VPS13D: variants seen among roughly 807,000 people sequenced by gnomAD.
VPS13D encodes vacuolar protein sorting 13 homolog D, also known as intermembrane lipid transfer protein VPS13D.
VPS13D carries 187 observed loss-of-function variants against 461.9 expected under a neutral mutation model. The observed-to-expected ratio is 0.40, with a 90% CI of 0.36 to 0.46. The LOEUF is 0.46. VPS13D is among the 20% of genes least tolerant of loss of function. The probability of loss-of-function intolerance (pLI) is 0.60; values close to 1 mark genes in which losing one functional copy is unlikely to be tolerated. For synonymous variants in VPS13D, 1,951 were observed against 1,986.3 expected, an observed-to-expected ratio of 0.98 and a Z score of 0.47; for missense variants, 4,711 against 5,364.9, an observed-to-expected ratio of 0.88 and a Z score of 3.81.
intron 65 of VPS13D, among the ~76,000 whole-genome samples, chr1:12,442,145 C>T (rs1645138938): frequency 1.3e-5 from 2 of 152,012 alleles, no homozygotes; most frequent in African/African-American, 4.8e-5. Context: ...AGTCAGATCT[C>T]TAAAACAACA....
chr1:12,409,504 A>G (rs1048218783), intron 63 of VPS13D, among the ~76,000 whole-genome samples: 5 of 152,230 alleles, frequency 3.3e-5, no homozygotes, highest in East Asian at 3.8e-4. Context: ...AGACTTTTCA[A>G]TAGTGCTATT....
In VPS13D at chr1:12,507,701, C is replaced by A. The variant is rs1480801020; in HGVS notation, c.13035+608C>A. Among the ~76,000 whole-genome samples the A allele has an allele frequency of 6.6e-6, 1 of 152,222 alleles. No homozygotes were observed. The highest frequency in any genetic ancestry group is 1.5e-5 in the Non-Finnish European group (1 of 68,040). Reference sequence around the variant, plus strand: ...TGTCTGATCACTGTGTTGCTGTCATCCCCTCCTCACTATTGGTCATAGCAG... The same window carrying A: ...TGTCTGATCACTGTGTTGCTGTCATACCCTCCTCACTATTGGTCATAGCAG... On this transcript the variant is annotated intron_variant, in intron 69 of 69. Coordinates refer to ENST00000620676, the MANE Select transcript of VPS13D (RefSeq NM_015378.4). The surrounding 1 kb of genome is among the most constrained non-coding windows in gnomAD (Gnocchi z 5.3).
chr1:12,351,961 T>C (rs1275749960), intron 46 of VPS13D, among the ~76,000 whole-genome samples: 1 of 151,758 alleles, frequency 6.6e-6, no homozygotes, highest in African/African-American at 2.4e-5. Context: ...TAGCTTAATA[T>C]TTGAAAATCA....
intron 67 of VPS13D, among the ~76,000 whole-genome samples, chr1:12,472,569 C>G (rs981613090): frequency 6.6e-6 from 1 of 152,196 alleles, no homozygotes. Context: ...TTCAGCGCCA[C>G]GTGTCCATCT....
chr1:12,416,834 A>T lies in VPS13D; in HGVS notation c.12333+7A>T, dbSNP rs1644800017. 1 of 1,606,190 alleles carries T rather than the reference A, an allele frequency of 6.2e-7. No individual in the cohort carries two copies. The highest frequency in any genetic ancestry group is 8.5e-7 in the Non-Finnish European group (1 of 1,177,140). On this transcript the variant is annotated splice_region_variant and intron_variant, in intron 65 of 69. Coordinates refer to ENST00000620676, the MANE Select transcript of VPS13D (RefSeq NM_015378.4). ...ATCAAACTCTGCTGCCAAGGTAAGG[A>T]AATAGAGGTGAAATTCCATTATAAT...
At chr1:12,408,049 C>T (rs1557761948) in intron 63 of VPS13D, among the ~76,000 whole-genome samples, 3 of 152,274 alleles carry the variant, frequency 2.0e-5, no homozygotes, top group Middle Eastern at 6.8e-3. Context: ...GCTTACTGAA[C>T]GTTCACTCAG....
intron 67 of VPS13D, among the ~76,000 whole-genome samples, chr1:12,471,364 A>C (rs1645560375): frequency 6.6e-6 from 1 of 152,228 alleles, no homozygotes; most frequent in African/African-American, 2.4e-5. Flanking sequence ...TTGCTACGAC[A>C]AATTTATCTT....
chr1:12,398,363 CTTT>C (rs1259287834), intron 60 of VPS13D, among the ~76,000 whole-genome samples: 3 of 141,326 alleles, frequency 2.1e-5, no homozygotes, highest in Non-Finnish European at 3.1e-5. Flanking sequence ...ACTTTTTTTT[CTTT>C]TTTTTTTTTT....
At chr1:12,410,912 C>T (rs1644718367) in intron 63 of VPS13D, among the ~76,000 whole-genome samples, 1 of 152,200 alleles carries the variant, frequency 6.6e-6, no homozygotes, top group South Asian at 2.1e-4. Flanking sequence ...CAAACTTTAA[C>T]ATCCATCTAC....
At chr1:12,313,964 C>A in intron 29 of VPS13D, 151 bp from the exon 30 acceptor site, 1 of 676,170 alleles carries the variant, frequency 1.5e-6, no homozygotes, top group Non-Finnish European at 2.5e-6. Flanking sequence ...AGTCTATTAA[C>A]AGAATCAACA....
chr1:12,509,143 G>C lies in VPS13D; in HGVS notation c.*119G>C, dbSNP rs1646152926. On this transcript the variant is annotated 3_prime_UTR_variant, in exon 70 of 70. Coordinates refer to ENST00000620676, the MANE Select transcript of VPS13D (RefSeq NM_015378.4). ...AGTCGGGTTTGGGGAAGTTGTCAAG[G>C]AATGAGGGAAAGTAAATCCTCATGA... is the stretch of plus-strand genomic sequence containing the variant. 5.5e-6 allele frequency: 7 copies of C among 1,266,872 alleles called. No homozygotes were observed. Among genetic ancestry groups the C allele is most frequent in the Non-Finnish European group, 7.5e-6 (7 of 939,566 alleles). 78.5% of individuals were successfully genotyped at this position (1,266,872 alleles called of 1,614,324 possible). A position where few individuals can be genotyped will look rare whatever the true frequency, so the allele number is the denominator to read the frequency against.
intron 68 of VPS13D, chr1:12,499,713 A>C: frequency 1.0e-6 from 1 of 985,464 alleles, no homozygotes; most frequent in Non-Finnish European, 1.2e-6. Context: ...CTTGCCAATG[A>C]ATGCTGAAGG....
chr1:12,319,950 C>T (rs1642990728), intron 32 of VPS13D, among the ~76,000 whole-genome samples: 1 of 152,248 alleles, frequency 6.6e-6, no homozygotes, highest in Non-Finnish European at 1.5e-5. Flanking sequence ...TCTCGTTCTG[C>T]AGACCTCGTC....
At chr1:12,251,656 T>A (rs1343375232) in intron 6 of VPS13D, among the ~76,000 whole-genome samples, 1 of 152,184 alleles carries the variant, frequency 6.6e-6, no homozygotes, top group African/African-American at 2.4e-5. Context: ...CTCATAACTT[T>A]TTTTTTCCTG....
intron 17 of VPS13D, among the ~76,000 whole-genome samples, chr1:12,272,285 T>G (rs778255280): frequency 2.0e-5 from 3 of 152,162 alleles, no homozygotes; most frequent in Non-Finnish European, 4.4e-5. Flanking sequence ...AAGTGTGGCT[T>G]CTTTTGGACA....
At chr1:12,451,641 C>T (rs544844052) in intron 65 of VPS13D, among the ~76,000 whole-genome samples, 1 of 152,358 alleles carries the variant, frequency 6.6e-6, no homozygotes, top group East Asian at 1.9e-4. Flanking sequence ...AAATTGTCTG[C>T]AGATTACCTT....
chr1:12,361,176 G>A (rs1251675886), intron 50 of VPS13D, among the ~76,000 whole-genome samples: 2 of 152,060 alleles, frequency 1.3e-5, no homozygotes, highest in African/African-American at 2.4e-5. Flanking sequence ...AGCCTTTGGG[G>A]GAGGACCTAG....
intron 25 of VPS13D, among the ~76,000 whole-genome samples, chr1:12,303,409 AC>A (rs1361670632): frequency 6.6e-6 from 1 of 152,222 alleles, no homozygotes; most frequent in Non-Finnish European, 1.5e-5. Context: ...ATTTATTTAA[AC>A]CAACTACAGA....
chr1:12,295,077 C>G (rs1218773528), intron 24 of VPS13D, among the ~76,000 whole-genome samples: 1 of 145,394 alleles, frequency 6.9e-6, no homozygotes, highest in African/African-American at 2.8e-5. Context: ...CAGAAATTAG[C>G]CGGGTGTGGT....
Sources: allele counts gnomAD v4.1 joint callset (sites outside exome capture counted in the v4.1 genomes callset), GRCh38; gene constraint gnomAD v4.1.1; non-coding constraint Gnocchi (gnomAD v3.1); transcripts MANE v1.5; gene names NCBI Gene and HGNC (gene_info 2026-07-23, HGNC 2026-07-21).